Variants in POTEF observed in about 807,000 individuals in gnomAD.
POTEF encodes the protein POTE ankyrin domain family member F.
POTEF carries 20 observed loss-of-function variants against 83.2 expected under a neutral mutation model. The ratio of observed to expected loss-of-function variants is 0.24; its 90% CI spans 0.17 to 0.35. The LOEUF (loss-of-function observed/expected upper bound fraction) is 0.35. Among genes scored for constraint, POTEF ranks in the 10% least tolerant of loss-of-function variants. The probability of loss-of-function intolerance (pLI) is 1.00; values close to 1 mark genes in which losing one functional copy is unlikely to be tolerated. For missense variants in POTEF, 550 were observed against 1,203.2 expected (o/e 0.46, Z 8.03); for synonymous variants, 196 against 446.4 (o/e 0.44, Z 7.07).
intron 7 of POTEF, chr2:130,109,297 G>A (rs181850534): frequency 1.3e-4 from 18 of 142,624 alleles, no homozygotes; most frequent in African/African-American, 2.5e-4. Context: ...GATATGTGCC[G>A]CCGAAGCAAG....
intron 2 of POTEF, among the ~76,000 whole-genome samples, chr2:130,125,867 T>G (rs1573619779): frequency 6.7e-6 from 1 of 150,196 alleles, no homozygotes; most frequent in African/African-American, 2.5e-5. Context: ...GATCGGGCCA[T>G]CGTACTACAG....
chr2:130,124,594 C>T (rs1369766465), intron 2 of POTEF, among the ~76,000 whole-genome samples: 1 of 136,814 alleles, frequency 7.3e-6, no homozygotes, highest in Non-Finnish European at 1.6e-5. Context: ...CTTTAGATCT[C>T]TCTCCCCTAC....
In POTEF at chr2:130,075,388, T is replaced by C. The variant is rs1250182863; in HGVS notation, c.2084A>G (p.Gln695Arg). Residue 695 changes from glutamine (Q) to arginine (R), a missense_variant, in exon 17 of 17, where the codon CAA (glutamine) becomes CGA (arginine). Transcript: ENST00000409914. ...ATCATCCATGGTGAGCTCATTCAAT[T>C]GTAGAGCCTTTAAAAGATTATCATT... is the stretch of plus-strand genomic sequence containing the variant. ...KRNDNLLKAL[Q>R]LNELTMDDDT... is the part of the protein sequence containing the mutation. 5 of 1,611,810 alleles carry C rather than the reference T, an allele frequency of 3.1e-6. No individual in the cohort carries two copies. The highest frequency in any genetic ancestry group is 4.2e-6 in the Non-Finnish European group (5 of 1,179,808).
rs1489067936 is a variant in POTEF, at chr2:130,100,703, TG to T, written c.1214del (p.Pro405GlnfsTer3). 1 of 1,607,918 alleles carries T rather than the reference TG, an allele frequency of 6.2e-7. No homozygotes were observed. Among genetic ancestry groups the T allele is most frequent in the Admixed American group, 1.7e-5 (1 of 59,252 alleles). ...NSQPEKMSQEPEINKDGDREV... is the reference protein window; with the variant it reads ...NSQPEKMSQEXEINKDGDREV... ...CTCTATCACCATCCTTATTTATTTC[TG>T]GTTCTTGAGACATTTTCTGCAGAGG... On this transcript the variant is annotated frameshift_variant, in exon 10 of 17. Coordinates refer to ENST00000409914, the MANE Select transcript of POTEF (RefSeq NM_001099771.2). LOFTEE classifies it high-confidence loss of function.
intron 4 of POTEF, 53 bp downstream of exon 4, chr2:130,115,161 C>T (rs1684811587): frequency 6.2e-7 from 1 of 1,612,100 alleles, no homozygotes; most frequent in Non-Finnish European, 8.5e-7. Context: ...CATTTTTATG[C>T]CATGTATTGA....
intron 3 of POTEF, among the ~76,000 whole-genome samples, chr2:130,119,291 G>A (rs908506870): frequency 5.3e-5 from 8 of 151,564 alleles, no homozygotes; most frequent in Non-Finnish European, 1.2e-4. Flanking sequence ...AGCCTCCTGA[G>A]TAGCCGGGAC....
At chr2:130,119,385 C>A (rs547241523) in intron 3 of POTEF, among the ~76,000 whole-genome samples, 1 of 151,996 alleles carries the variant, frequency 6.6e-6, no homozygotes, top group South Asian at 2.1e-4. Flanking sequence ...CCAGGATGGT[C>A]TCAATCTCCT....
chr2:130,112,664 T>C (rs1426993502), intron 5 of POTEF, among the ~76,000 whole-genome samples: 1 of 136,632 alleles, frequency 7.3e-6, no homozygotes, highest in African/African-American at 2.9e-5. Context: ...AACTAAACCA[T>C]CAGTTCATAG....
intron 3 of POTEF, among the ~76,000 whole-genome samples, chr2:130,117,935 C>CT (rs58113059): frequency 0.3 from 13,641 of 44,870 alleles, 2,302 homozygotes; most frequent in African/African-American, 0.49. Flanking sequence ...TATTTCATTC[C>CT]TTTTTTTTTT....
At chr2:130,126,440 G>A (rs895904084) in intron 2 of POTEF, among the ~76,000 whole-genome samples, 5 of 151,912 alleles carry the variant, frequency 3.3e-5, no homozygotes, top group Admixed American at 6.6e-5. Flanking sequence ...ATGTGAGAGA[G>A]ATGAAATGGC....
chr2:130,111,577 A>G (rs576873865), intron 6 of POTEF, among the ~76,000 whole-genome samples: 2 of 151,766 alleles, frequency 1.3e-5, no homozygotes, highest in South Asian at 4.1e-4. Flanking sequence ...AAAAGACAAA[A>G]GGATTTTCAA....
intron 7 of POTEF, among the ~76,000 whole-genome samples, chr2:130,108,333 A>G (rs1684605268): frequency 6.6e-6 from 1 of 151,800 alleles, no homozygotes; most frequent in Admixed American, 6.5e-5. Context: ...TTAGCATGAC[A>G]TAATAGAAAG....
At chr2:130,109,721 C>G (rs994136630) in intron 7 of POTEF, 2 of 150,994 alleles carry the variant, frequency 1.3e-5, no homozygotes, top group African/African-American at 4.9e-5. Context: ...AAAAGACCAA[C>G]AACAGCCTCA....
At chr2:130,087,620 G>A (rs1684039245) in intron 13 of POTEF, among the ~76,000 whole-genome samples, 1 of 91,858 alleles carries the variant, frequency 1.1e-5, no homozygotes, top group South Asian at 3.7e-4. Context: ...TAAATTTTAA[G>A]AATCTATTAA....
chr2:130,116,017 A>G (rs1220884808), intron 3 of POTEF, among the ~76,000 whole-genome samples: 4 of 152,238 alleles, frequency 2.6e-5, no homozygotes, highest in East Asian at 1.9e-4. Flanking sequence ...TACATGAAGT[A>G]GAATATGTTA....
rs1311977763 is a variant in POTEF at position 130,127,813 on chromosome 2, C to T, written c.-198G>A. 6.7e-6 allele frequency: 1 copy of T among 150,336 alleles called. No homozygotes were observed. Among genetic ancestry groups the T allele is most frequent in the Non-Finnish European group, 1.5e-5 (1 of 67,796 alleles). 9.3% of individuals were successfully genotyped at this position (150,336 alleles called of 1,614,324 possible). On this transcript the variant is annotated 5_prime_UTR_variant, in exon 2 of 17. Transcript: ENST00000409914. ...CAGCGTACCACAGGTGATTCCTTCT[C>T]CTCCTCCTCCAGCCTGGCTTGGAGC...
rs778669078 is a variant in POTEF, at chr2:130,075,341, C to G, written c.2131G>C (p.Asp711His). Residue 711 changes from aspartate (D) to histidine (H), a missense_variant, in exon 17 of 17, where the codon GAC (aspartate) becomes CAC (histidine). Transcript: ENST00000409914. ...GCCTTGCACATGCCAGAGCCGTTGT[C>G]AATGACGAGCACAGCGGTATCATCA... is the stretch of plus-strand genomic sequence containing the variant. The part of the protein sequence containing the change: ...MDDDTAVLVI[D>H]NGSGMCKAGF... The G allele has an allele frequency of 1.9e-5, 30 of 1,612,336 alleles. No individual in the cohort carries two copies. The highest frequency in any genetic ancestry group is 2.0e-4 in the Middle Eastern group (1 of 4,980).
chr2:130,103,136 C>T, intron 8 of POTEF, among the ~76,000 whole-genome samples: 1 of 141,774 alleles, frequency 7.1e-6, no homozygotes, highest in African/African-American at 2.8e-5. Flanking sequence ...GGGTCTTGCT[C>T]TGTCACCAGG....
chr2:130,117,002 C>T (rs1160364519), intron 3 of POTEF, among the ~76,000 whole-genome samples: 5 of 146,030 alleles, frequency 3.4e-5, no homozygotes, highest in African/African-American at 1.3e-4. Context: ...AGGTGTCTGG[C>T]TTATGTCTGA....
Sources: gnomAD v4.1 joint callset for allele counts (sites outside exome capture counted in the v4.1 genomes callset) on GRCh38, gnomAD v4.1.1 for gene constraint, MANE v1.5 for transcripts, NCBI Gene and HGNC (gene_info 2026-07-23, HGNC 2026-07-21) for gene names.